The following PSMB7 variants were observed in gnomAD, a reference collection of about 807,000 sequenced individuals.
PSMB7 encodes the protein proteasome 20S subunit beta 7.
A neutral mutation model predicts 28.1 loss-of-function variants in PSMB7; 5 were observed. The observed-to-expected ratio is 0.18, with a 90% confidence interval of 0.09 to 0.37. PSMB7 has a LOEUF of 0.37. PSMB7 is among the 10% of genes least tolerant of loss of function. The probability of loss-of-function intolerance (pLI) is 1.00; values close to 1 mark genes in which losing one functional copy is unlikely to be tolerated. For synonymous variants in PSMB7, 122 were observed against 123.7 expected, an observed-to-expected ratio of 0.99 and a Z score of 0.09; for missense variants, 275 against 346.2, an observed-to-expected ratio of 0.79 and a Z score of 1.63.
chr9:124,390,067 C>T (rs1038826776), intron 5 of PSMB7, among the ~76,000 whole-genome samples: 3 of 152,102 alleles, frequency 2.0e-5, no homozygotes, highest in South Asian at 2.1e-4. Flanking sequence ...CAGTAGTTTA[C>T]GAAAGAGAAA....
intron 6 of PSMB7, among the ~76,000 whole-genome samples, chr9:124,383,368 C>T (rs1021685733): frequency 5.9e-5 from 9 of 152,218 alleles, no homozygotes; most frequent in Middle Eastern, 3.4e-3. Flanking sequence ...TGCAGCTATC[C>T]GAGAAGCGAA....
At chr9:124,411,565 G>A (rs1172453172) in intron 4 of PSMB7, among the ~76,000 whole-genome samples, 1 of 152,156 alleles carries the variant, frequency 6.6e-6, no homozygotes, top group Non-Finnish European at 1.5e-5. Context: ...TAAATGCCCA[G>A]GCTACTTCTC....
chr9:124,367,349 C>T (rs1473154740), intron 6 of PSMB7, among the ~76,000 whole-genome samples: 1 of 152,128 alleles, frequency 6.6e-6, no homozygotes, highest in African/African-American at 2.4e-5. Context: ...GATGAGAAGA[C>T]AATGGCTGAC....
intron 5 of PSMB7, among the ~76,000 whole-genome samples, chr9:124,393,228 A>G (rs1830808371): frequency 6.6e-6 from 1 of 152,208 alleles, no homozygotes; most frequent in Admixed American, 6.5e-5. Flanking sequence ...CTGCTCGGTA[A>G]AACAGACGCA....
At chr9:124,401,739 G>A (rs932282474) in intron 5 of PSMB7, among the ~76,000 whole-genome samples, 1 of 152,206 alleles carries the variant, frequency 6.6e-6, no homozygotes. Flanking sequence ...GAGCTGATGA[G>A]GCCGGGTGCA....
intron 6 of PSMB7, among the ~76,000 whole-genome samples, chr9:124,373,018 C>A (rs943983199): frequency 6.6e-6 from 1 of 152,216 alleles, no homozygotes; most frequent in African/African-American, 2.4e-5. Context: ...CTCAAGAAGT[C>A]CCTTCCTACC....
intron 5 of PSMB7, among the ~76,000 whole-genome samples, chr9:124,395,313 C>T (rs769395581): frequency 3.3e-5 from 5 of 151,498 alleles, no homozygotes; most frequent in Non-Finnish European, 7.4e-5. Flanking sequence ...AGTGAGACCC[C>T]GTCTCTACCA....
intron 5 of PSMB7, among the ~76,000 whole-genome samples, chr9:124,404,048 C>T (rs2131176826): frequency 6.6e-6 from 1 of 152,152 alleles, no homozygotes. Context: ...CACACCACCA[C>T]ACTCAGCTTA....
At chr9:124,358,433 T>G (rs1372016336) in intron 6 of PSMB7, among the ~76,000 whole-genome samples, 1 of 152,222 alleles carries the variant, frequency 6.6e-6, no homozygotes, top group African/African-American at 2.4e-5. Flanking sequence ...TGAAGCCAAT[T>G]CTTCTTTTGT....
chr9:124,356,947 C>A lies in PSMB7; in HGVS notation c.571-32G>T, dbSNP rs373538139. The A allele has an allele frequency of 1.9e-6, 3 of 1,612,630 alleles. No homozygotes were observed. Among genetic ancestry groups the A allele is most frequent in the Non-Finnish European group, 2.5e-6 (3 of 1,179,070 alleles). ...AACAGAACGGCGGCAATAATGTCCCCGGCCAAACTAGGGCCTGCTCTGACA... is the reference window on the plus strand; with the variant it reads ...AACAGAACGGCGGCAATAATGTCCCAGGCCAAACTAGGGCCTGCTCTGACA... On this transcript the variant is annotated intron_variant, in intron 6 of 7. Transcript: ENST00000259457. This position sits in a 1 kb window ranked among gnomAD's most constrained non-coding sequence, Gnocchi z 4.4.
At chr9:124,405,271 T>A (rs1488171072) in intron 5 of PSMB7, 46 bp downstream of exon 5, 4 of 1,314,448 alleles carry the variant, frequency 3.0e-6, no homozygotes, top group Non-Finnish European at 4.4e-6. Flanking sequence ...GAGACCATCG[T>A]GGTAAGTAAG....
At chr9:124,403,361 C>T (rs1013860703) in intron 5 of PSMB7, among the ~76,000 whole-genome samples, 3 of 151,932 alleles carry the variant, frequency 2.0e-5, no homozygotes, top group Non-Finnish European at 4.4e-5. Flanking sequence ...CCCATCTCTA[C>T]AAAAAATACA....
chr9:124,395,290 G>C (rs1460676953), intron 5 of PSMB7, among the ~76,000 whole-genome samples: 2 of 151,522 alleles, frequency 1.3e-5, no homozygotes, highest in Non-Finnish European at 2.9e-5. Flanking sequence ...TTCCAGACCA[G>C]CCCGAAAAAC....
At chr9:124,364,929 A>G (rs1019507581) in intron 6 of PSMB7, among the ~76,000 whole-genome samples, 2 of 152,216 alleles carry the variant, frequency 1.3e-5, no homozygotes, top group African/African-American at 4.8e-5. Flanking sequence ...TGCTGGGCAC[A>G]TGTGGGAAGG....
Position 124,405,365 on chromosome 9 carries a change from T to C in PSMB7, c.463A>G (p.Ser155Gly). 1 of 1,613,948 alleles carries C rather than the reference T, an allele frequency of 6.2e-7. No homozygotes were observed. The highest frequency in any genetic ancestry group is 8.5e-7 in the Non-Finnish European group (1 of 1,179,852). The change falls in exon 5 of 8, where the codon AGC (serine) becomes GGC (glycine). Residue 155 changes from serine to glycine, a missense_variant. Coordinates refer to ENST00000259457, the MANE Select transcript of PSMB7 (RefSeq NM_002799.4). ...GVDVTGPHLY[S>G]IYPHGSTDKL... ...TCAGTTGATCCATGAGGATAGATGC[T>C]GTAGAGGTGAGGTCCAGTAACATCT...
intron 6 of PSMB7, chr9:124,383,547 G>A (rs550587799): frequency 6.6e-6 from 1 of 152,310 alleles, no homozygotes; most frequent in African/African-American, 2.4e-5. Flanking sequence ...GGCAGAGAGA[G>A]CTTCAGAGTT....
intron 4 of PSMB7, among the ~76,000 whole-genome samples, chr9:124,409,527 T>C (rs1205217825): frequency 6.6e-6 from 1 of 152,198 alleles, no homozygotes; most frequent in Non-Finnish European, 1.5e-5. Context: ...ACATCACTTC[T>C]GCTTATCAAA....
chr9:124,376,104 T>G (rs987828923), intron 6 of PSMB7, among the ~76,000 whole-genome samples: 1 of 151,960 alleles, frequency 6.6e-6, no homozygotes, highest in Admixed American at 6.5e-5. Context: ...GTTTTGGCAG[T>G]TGGGAAAAAA....
chr9:124,409,147 GA>G (rs976588350), intron 4 of PSMB7, among the ~76,000 whole-genome samples: 17 of 152,138 alleles, frequency 1.1e-4, no homozygotes, highest in African/African-American at 4.1e-4. Context: ...TTTTTACCAT[GA>G]ACATGTACTA....
Sources: gnomAD v4.1 joint callset for allele counts (sites outside exome capture counted in the v4.1 genomes callset) on GRCh38, gnomAD v4.1.1 for gene constraint, Gnocchi (gnomAD v3.1) non-coding constraint, MANE v1.5 for transcripts, NCBI Gene and HGNC (gene_info 2026-07-23, HGNC 2026-07-21) for gene names.